Variants in DGKH observed in about 807,000 individuals in gnomAD.
DGKH encodes diacylglycerol kinase eta.
A neutral mutation model predicts 159.3 loss-of-function variants in DGKH; 90 were observed. The observed-to-expected ratio is 0.57, with a 90% CI of 0.48 to 0.67. The LOEUF is 0.67. DGKH is among the 30% of genes least tolerant of loss of function. The pLI is 0.00. For missense variants in DGKH, 1,181 were observed against 1,506.1 expected (o/e 0.78, Z 3.57); for synonymous variants, 536 against 553.8 (o/e 0.97, Z 0.45).
chr13:42,191,937 A>T (rs1050486100), intron 16 of DGKH, among the ~76,000 whole-genome samples: 1 of 152,148 alleles, frequency 6.6e-6, no homozygotes, highest in Admixed American at 6.5e-5. Flanking sequence ...AACTTGGGCA[A>T]ATTTCTTAAC....
In DGKH at chr13:42,127,573, G is replaced by A; in HGVS notation, c.303G>A (p.Lys101=). 6.2e-7 allele frequency: 1 copy of A among 1,612,578 alleles called. No homozygotes were observed. Among genetic ancestry groups the A allele is most frequent in the East Asian group, 2.2e-5 (1 of 44,806 alleles). The stretch of plus-strand genomic sequence containing the variant: ...CCCTTTACTATGCAAAGGACTCAAA[G>A]GTAACTCACGAGAATACTAGTTTCA... The part of the protein sequence containing the change: ...GRTLYYAKDS[K]SLIFDEVDLS... Residue 101 remains lysine, a splice_region_variant and synonymous_variant, in exon 2 of 30, where the codon AAG becomes AAA. Transcript: ENST00000337343.
chr13:42,207,568 G>A (rs1026533022), intron 21 of DGKH, among the ~76,000 whole-genome samples: 33 of 151,438 alleles, frequency 2.2e-4, no homozygotes, highest in Non-Finnish European at 1.6e-4. Context: ...TCATTTGGCC[G>A]GTCGAGTTTA....
intron 29 of DGKH, among the ~76,000 whole-genome samples, chr13:42,228,246 TAAG>T (rs79184540): frequency 0.13 from 20,075 of 152,146 alleles, 1,681 homozygotes; most frequent in Admixed American, 0.23. Context: ...TTGGCACTTA[TAAG>T]AAGAAGTTTC....
intron 1 of DGKH, among the ~76,000 whole-genome samples, chr13:42,061,424 A>C (rs887255663): frequency 2.0e-5 from 3 of 152,192 alleles, no homozygotes; most frequent in African/African-American, 7.2e-5. Flanking sequence ...TTTTATTAAA[A>C]AGAAAAGCCT....
At chr13:42,115,789 A>G (rs1954955609) in intron 1 of DGKH, among the ~76,000 whole-genome samples, 1 of 152,188 alleles carries the variant, frequency 6.6e-6, no homozygotes, top group Admixed American at 6.5e-5. Flanking sequence ...CCTTGAACAT[A>G]TTGAACCAGA....
intron 29 of DGKH, among the ~76,000 whole-genome samples, chr13:42,222,050 T>G (rs978571886): frequency 1.3e-5 from 2 of 152,224 alleles, no homozygotes; most frequent in Non-Finnish European, 2.9e-5. Flanking sequence ...TATTTGTGAA[T>G]TGACGATAGA....
chr13:42,141,226 A>G (rs1955550405), intron 3 of DGKH, among the ~76,000 whole-genome samples: 1 of 151,762 alleles, frequency 6.6e-6, no homozygotes, highest in South Asian at 2.1e-4. Flanking sequence ...TACAAAGGAC[A>G]TGAACTCATC....
rs1474466716 is a variant in DGKH, at chr13:42,236,499, A to G, written c.*7311A>G. On this transcript the variant is annotated 3_prime_UTR_variant, in exon 30 of 30. Transcript: ENST00000337343. ...AGGATTTAATGTAGCCAAGGGATTC[A>G]GTGTGTTATATTTTGCCAATATGTA... The G allele has an allele frequency of 6.6e-6, 1 of 152,228 alleles. No individual in the cohort carries two copies. Among genetic ancestry groups the G allele is most frequent in the African/African-American group, 2.4e-5 (1 of 41,472 alleles). The allele number at this position is 152,228 out of a possible 1,614,324, so 9.4% of individuals were successfully genotyped here.
At chr13:42,135,507 AAGAG>A (rs1555264252) in intron 3 of DGKH, among the ~76,000 whole-genome samples, 2 of 113,404 alleles carry the variant, frequency 1.8e-5, no homozygotes, top group African/African-American at 2.8e-5. Context: ...AAAAAAAAAA[AAGAG>A]AGAGAGAGAA....
intron 3 of DGKH, among the ~76,000 whole-genome samples, chr13:42,131,975 A>G (rs1278817673): frequency 6.6e-6 from 1 of 152,170 alleles, no homozygotes; most frequent in East Asian, 1.9e-4. Flanking sequence ...CTTCCACTTG[A>G]AGGTGGGGTA....
chr13:42,060,355 A>G (rs997373773), intron 1 of DGKH, among the ~76,000 whole-genome samples: 53 of 152,138 alleles, frequency 3.5e-4, no homozygotes, highest in Non-Finnish European at 3.4e-4. Flanking sequence ...TTAGGCTTTG[A>G]CCACCACCTC....
chr13:42,157,662 A>G (rs1195329445), intron 5 of DGKH, among the ~76,000 whole-genome samples: 1 of 152,190 alleles, frequency 6.6e-6, no homozygotes, highest in Admixed American at 6.5e-5. Flanking sequence ...ACTCATTTAT[A>G]ACAAAAATGG....
Position 42,252,810 on chromosome 13 carries a change from C to T in DGKH, n.4127+329C>T, listed in dbSNP as rs531854558. 7.9e-5 allele frequency among the ~76,000 whole-genome samples: 12 copies of T among 151,444 alleles called. No homozygotes were observed. The East Asian group carries it at 1.2e-3, about 15-fold the overall frequency. On this transcript the variant is annotated intron_variant and non_coding_transcript_variant, in intron 30 of 30. Transcript: ENST00000498255. ...TCACCCAGGCTAGAGTGCAGTAGTG[C>T]GATCTCAGCTCACTACAACTTCCAC...
At position 42,229,587 on chromosome 13, in the gene DGKH, G is replaced by A. The variant is rs78088915; in HGVS notation, c.*399G>A. 1.0e-2 allele frequency: 1,570 copies of A among 157,346 alleles called. 49 individuals are homozygous for A. The highest frequency in any genetic ancestry group is 0.08 in the South Asian group (413 of 5,154). 9.7% of individuals were successfully genotyped at this position (157,346 alleles called of 1,614,324 possible). A position where few individuals can be genotyped will look rare whatever the true frequency, so the allele number is the denominator to read the frequency against. The stretch of plus-strand genomic sequence containing the variant: ...GTTAAAACTTCCTAGGTTTCATTAC[G>A]GGGGGGCATTGGCCATTTTCTTAAA... On this transcript the variant is annotated 3_prime_UTR_variant, in exon 30 of 30. Transcript: ENST00000337343.
At position 42,240,296 on chromosome 13, in the gene DGKH, A is replaced by G. The variant is rs1179521648; in HGVS notation, c.*11108A>G. 6.6e-6 allele frequency: 1 copy of G among 152,260 alleles called. No homozygotes were observed. The highest frequency in any genetic ancestry group is 1.5e-5 in the Non-Finnish European group (1 of 68,044). The allele number at this position is 152,260 out of a possible 1,614,324, so 9.4% of individuals were successfully genotyped here. A position where few individuals can be genotyped will look rare whatever the true frequency, so the allele number is the denominator to read the frequency against. ...TGCACTCTGGGCAAACCAACAGAAGATAAACAGCAAGGAAGAGCAGTTGTT... is the reference window on the plus strand; with the variant it reads ...TGCACTCTGGGCAAACCAACAGAAGGTAAACAGCAAGGAAGAGCAGTTGTT... On this transcript the variant is annotated 3_prime_UTR_variant, in exon 30 of 30. Coordinates refer to ENST00000337343, the MANE Select transcript of DGKH (RefSeq NM_178009.5).
Position 42,182,908 on chromosome 13 carries a change from T to TAAA in DGKH, c.1539-4129_1539-4127dup, listed in dbSNP as rs5803119. Among the ~76,000 whole-genome samples, 388 of 148,052 alleles carry TAAA rather than the reference T, an allele frequency of 2.6e-3. 1 individual carries two copies. Among genetic ancestry groups the TAAA allele is most frequent in the Middle Eastern group, 0.011 (3 of 282 alleles). On this transcript the variant is annotated intron_variant, in intron 13 of 29. Coordinates refer to ENST00000337343, the MANE Select transcript of DGKH (RefSeq NM_178009.5). ...CTTGTCTGAATTTTGACAAGGTCTTTAAAAAAAAAAAAAACCACACACACT... is the reference window on the plus strand; with the variant it reads ...CTTGTCTGAATTTTGACAAGGTCTTTAAAAAAAAAAAAAAAAACCACACACACT...
In DGKH at chr13:42,070,137, T is replaced by C. The variant is rs115252686; in HGVS notation, c.192+21172T>C. 2,032 of 922,184 alleles carry C rather than the reference T, an allele frequency of 2.2e-3. 15 individuals carry two copies. The African/African-American group carries it at 0.026, about 12-fold the overall frequency. The allele number at this position is 922,184 out of a possible 1,614,324, so 57.1% of individuals were successfully genotyped here. A position where few individuals can be genotyped will look rare whatever the true frequency, so the allele number is the denominator to read the frequency against. On this transcript the variant is annotated intron_variant, in intron 1 of 29. Transcript: ENST00000337343. ...TTGGCTTATCCATTGGAAAAGAACATATGCTCATGTAAGGATGGGAGAGCG... is the reference window on the plus strand; with the variant it reads ...TTGGCTTATCCATTGGAAAAGAACACATGCTCATGTAAGGATGGGAGAGCG...
rs1958329060 is a variant in DGKH at position 42,232,733 on chromosome 13, G to A, written c.*3545G>A. ...GTGAATTGATGGATTAGGTCATTTG[G>A]GATTGTGATATATATTGTTCTTGCT... On this transcript the variant is annotated 3_prime_UTR_variant, in exon 30 of 30. Coordinates refer to ENST00000337343, the MANE Select transcript of DGKH (RefSeq NM_178009.5). The A allele has an allele frequency of 6.6e-6, 1 of 152,150 alleles. No homozygotes were observed. The highest frequency in any genetic ancestry group is 1.5e-5 in the Non-Finnish European group (1 of 68,018). The allele number at this position is 152,150 out of a possible 1,614,324, so 9.4% of individuals were successfully genotyped here.
Position 42,199,638 on chromosome 13 carries a change from A to G in DGKH, c.2358A>G (p.Glu786=), listed in dbSNP as rs1410664210. The G allele has an allele frequency of 6.2e-7, 1 of 1,605,396 alleles. No homozygotes were observed. The highest frequency in any genetic ancestry group is 1.7e-5 in the Admixed American group (1 of 58,510). The part of the protein sequence containing the change: ...GIGLDAKISL[E]FNNKREEHPE... ...GATTAGATGCAAAAATTTCATTAGA[A>G]TTTAATAATAAAAGAGAGGAGCACC... Residue 786 remains glutamate, a synonymous_variant, in exon 19 of 30, where the codon GAA becomes GAG. Transcript: ENST00000337343.
Sources: gnomAD v4.1 joint callset for allele counts (sites outside exome capture counted in the v4.1 genomes callset) on GRCh38, gnomAD v4.1.1 for gene constraint, MANE v1.5 for transcripts, NCBI Gene and HGNC (gene_info 2026-07-23, HGNC 2026-07-21) for gene names.